MED13L: variants seen among roughly 807,000 people sequenced by gnomAD.
MED13L encodes mediator complex subunit 13L, also known as mediator of RNA polymerase II transcription subunit 13-like.
In MED13L, 7 loss-of-function variants were observed where a neutral mutation model predicts 220.9. That is an observed-to-expected ratio of 0.03 (90% CI 0.02 to 0.06). The LOEUF is 0.06. MED13L is among the 10% of genes least tolerant of loss of function. The pLI, the probability that MED13L is intolerant of heterozygous loss-of-function variation, is 1.00. For synonymous variants in MED13L, 1,011 were observed against 1,015.2 expected (o/e 1.00, Z 0.08); for missense variants, 1,965 against 2,760.5 (o/e 0.71, Z 6.46).
chr12:116,213,138 C>T (rs757333422), intron 2 of MED13L, among the ~76,000 whole-genome samples: 7 of 152,120 alleles, frequency 4.6e-5, no homozygotes, highest in Admixed American at 6.6e-5. Flanking sequence ...TAAACTTCAT[C>T]TCCCACACTC....
chr12:115,969,226 A>C (rs1876404699), intron 27 of MED13L, 129 bp from the exon 28 acceptor site: 1 of 1,047,624 alleles, frequency 9.5e-7, no homozygotes, highest in Non-Finnish European at 1.4e-6. Flanking sequence ...CACTGTTAAT[A>C]ACTTAGATTC....
At chr12:116,248,413 G>C (rs1203562551) in intron 1 of MED13L, among the ~76,000 whole-genome samples, 2 of 152,098 alleles carry the variant, frequency 1.3e-5, no homozygotes, top group African/African-American at 4.8e-5. Flanking sequence ...GGGTTAAGGA[G>C]AAGCTGGTCA....
chr12:115,980,698 T>C (rs761670200), intron 23 of MED13L, 52 bp downstream of exon 23: 2 of 1,572,744 alleles, frequency 1.3e-6, no homozygotes, highest in East Asian at 2.2e-5. Context: ...ATACCTCTTC[T>C]AGCTTGCATT....
rs1592917885 is a variant in MED13L, at chr12:115,986,221, G to C, written c.4338+45C>G. ...ATTTAGTCATCACTATAAACAATCA[G>C]AGGATCCAAGTCATAAAAAGCAATT... On this transcript the variant is annotated intron_variant, in intron 19 of 30. Coordinates refer to ENST00000281928, the MANE Select transcript of MED13L (RefSeq NM_015335.5). 6 of 1,527,276 alleles carry C rather than the reference G, an allele frequency of 3.9e-6. No individual in the cohort carries two copies. The East Asian group carries it at 1.4e-4, about 34-fold the overall frequency. The allele number at this position is 1,527,276 out of a possible 1,614,324, so 94.6% of individuals were successfully genotyped here.
intron 2 of MED13L, among the ~76,000 whole-genome samples, chr12:116,168,777 T>G (rs1879468088): frequency 6.6e-6 from 1 of 152,308 alleles, no homozygotes; most frequent in East Asian, 1.9e-4. Flanking sequence ...CTCCTTGGTT[T>G]TGGGATCCCT....
chr12:116,270,676 T>C (rs962804150), intron 1 of MED13L, among the ~76,000 whole-genome samples: 2 of 152,094 alleles, frequency 1.3e-5, no homozygotes, highest in Admixed American at 6.5e-5. Flanking sequence ...TGTAATGAAG[T>C]GAATTCCCCC....
intron 1 of MED13L, among the ~76,000 whole-genome samples, chr12:116,262,900 T>A (rs572418211): frequency 6.6e-6 from 1 of 152,192 alleles, no homozygotes; most frequent in South Asian, 2.1e-4. Flanking sequence ...AAGTAATTTG[T>A]AGACAACTAA....
chr12:116,271,531 C>T (rs1873345862), intron 1 of MED13L, among the ~76,000 whole-genome samples: 1 of 150,728 alleles, frequency 6.6e-6, no homozygotes, highest in African/African-American at 2.4e-5. Context: ...GAGGCTGAGG[C>T]AGGAGAATGG....
rs1186472782 is a variant in MED13L at position 115,961,253 on chromosome 12, A to C, written c.*13T>G. 1 of 1,614,044 alleles carries C rather than the reference A, an allele frequency of 6.2e-7. No individual in the cohort carries two copies. Reference sequence around the variant, plus strand: ...AGAAGGAACTGAGCCAGAGAGAACAAGTGCTTTTCCAATTAAAGTATATTC... The same window carrying C: ...AGAAGGAACTGAGCCAGAGAGAACACGTGCTTTTCCAATTAAAGTATATTC... On this transcript the variant is annotated 3_prime_UTR_variant, in exon 31 of 31. Transcript: ENST00000281928.
intron 2 of MED13L, among the ~76,000 whole-genome samples, chr12:116,150,997 C>T (rs985857028): frequency 2.6e-5 from 4 of 152,124 alleles, no homozygotes; most frequent in African/African-American, 7.2e-5. Flanking sequence ...GATGCCCCTA[C>T]TACTGTTCAA....
intron 23 of MED13L, among the ~76,000 whole-genome samples, chr12:115,978,746 TA>T (rs1877128479): frequency 1.3e-5 from 2 of 152,220 alleles, no homozygotes. Flanking sequence ...AACGAATGGC[TA>T]AATGTGAAAT....
At chr12:116,075,715 A>T (rs1164383910) in intron 4 of MED13L, among the ~76,000 whole-genome samples, 1 of 152,144 alleles carries the variant, frequency 6.6e-6, no homozygotes, top group Non-Finnish European at 1.5e-5. Flanking sequence ...CAGGAAATAG[A>T]CTTCCTTTCT....
intron 2 of MED13L, among the ~76,000 whole-genome samples, chr12:116,176,333 C>T (rs769416900): frequency 6.6e-6 from 1 of 152,084 alleles, no homozygotes; most frequent in Admixed American, 6.6e-5. Context: ...GAAACTAAGG[C>T]TCACATGTAA....
chr12:116,132,361 A>G (rs940619326), intron 2 of MED13L, among the ~76,000 whole-genome samples: 1 of 151,818 alleles, frequency 6.6e-6, no homozygotes, highest in East Asian at 1.9e-4. Context: ...GACCTGCCAC[A>G]TGTACTCAAA....
At chr12:116,068,120 G>A (rs1870089123) in intron 4 of MED13L, among the ~76,000 whole-genome samples, 1 of 152,158 alleles carries the variant, frequency 6.6e-6, no homozygotes, top group South Asian at 2.1e-4. Flanking sequence ...CAATGAGCAA[G>A]CATACTGGCC....
At chr12:116,184,179 A>G (rs756598467) in intron 2 of MED13L, among the ~76,000 whole-genome samples, 19 of 152,224 alleles carry the variant, frequency 1.2e-4, no homozygotes, top group Non-Finnish European at 2.8e-4. Flanking sequence ...TCAGAAAGGC[A>G]GAAACCCTCT....
chr12:116,260,472 A>C (rs1872427646), intron 1 of MED13L, among the ~76,000 whole-genome samples: 2 of 152,186 alleles, frequency 1.3e-5, no homozygotes, highest in African/African-American at 4.8e-5. Context: ...ATGGAGAGAG[A>C]GGCATGGAAC....
At chr12:116,061,933 G>A (rs988228585) in intron 4 of MED13L, among the ~76,000 whole-genome samples, 5 of 148,818 alleles carry the variant, frequency 3.4e-5, no homozygotes, top group African/African-American at 1.0e-4. Flanking sequence ...GCGTGAACCC[G>A]GGAGGCAGAG....
At position 116,277,160 on chromosome 12, in the gene MED13L, G is replaced by A. The variant is rs1359129466; in HGVS notation, c.-29C>T. 4 of 1,532,088 alleles carry A rather than the reference G, an allele frequency of 2.6e-6. No homozygotes were observed. The highest frequency in any genetic ancestry group is 3.5e-6 in the Non-Finnish European group (4 of 1,136,724). The allele number at this position is 1,532,088 out of a possible 1,614,324, so 94.9% of individuals were successfully genotyped here. Reference sequence around the variant, plus strand: ...CCTCCGCGAGCCCGGCCGCCAGAGCGGGGCATGTCGGAGCGAGGCGTCCGA... The same window carrying A: ...CCTCCGCGAGCCCGGCCGCCAGAGCAGGGCATGTCGGAGCGAGGCGTCCGA... On this transcript the variant is annotated 5_prime_UTR_variant, in exon 1 of 31. Transcript: ENST00000281928.
Sources: gnomAD v4.1 joint callset for allele counts (sites outside exome capture counted in the v4.1 genomes callset) on GRCh38, gnomAD v4.1.1 for gene constraint, MANE v1.5 for transcripts, NCBI Gene and HGNC (gene_info 2026-07-23, HGNC 2026-07-21) for gene names.